Variants in CRAT observed in about 807,000 individuals in gnomAD.
The protein encoded by CRAT is carnitine acetylase.
A neutral mutation model predicts 73.7 loss-of-function variants in CRAT; 66 were observed. The ratio of observed to expected loss-of-function variants is 0.90; its 90% CI spans 0.73 to 1.10. The LOEUF (loss-of-function observed/expected upper bound fraction) is 1.10. Among genes scored for constraint, CRAT ranks in the 50% least tolerant of loss-of-function variants. The pLI, the probability that CRAT is intolerant of heterozygous loss-of-function variation, is 0.00. For missense variants in CRAT, 745 were observed against 846.9 expected, an observed-to-expected ratio of 0.88 and a Z score of 1.49; for synonymous variants, 321 against 343.2, an observed-to-expected ratio of 0.94 and a Z score of 0.71.
In CRAT at chr9:129,107,947, G is replaced by A. The variant is rs746702600; in HGVS notation, c.158C>T (p.Ala53Val). 20 of 1,608,822 alleles carry A rather than the reference G, an allele frequency of 1.2e-5. No homozygotes were observed. Among genetic ancestry groups the A allele is most frequent in the Non-Finnish European group, 1.5e-5 (18 of 1,179,654 alleles). Residue 53 changes from alanine to valine, a missense_variant, in exon 2 of 14, where the codon GCG (alanine) becomes GTG (valine). Physicochemically the swap from Ala to Val is moderately conservative, Grantham distance 64. Coordinates refer to ENST00000318080, the MANE Select transcript of CRAT (RefSeq NM_000755.5). This position sits in a 1 kb window ranked among gnomAD's most constrained non-coding sequence, Gnocchi z 5.0. ...LQQSLDHYLK[A>V]LQPIVSEEEW... is the part of the protein sequence containing the mutation. ...CTCCTCACTCACGATGGGCTGCAGCGCCTTCAGGTAGTGGTCCAGGGACTG... is the reference window on the plus strand; with the variant it reads ...CTCCTCACTCACGATGGGCTGCAGCACCTTCAGGTAGTGGTCCAGGGACTG...
rs769328236 is a variant in CRAT, at chr9:129,098,528, T to C, written c.1205+3A>G. On this transcript the variant is annotated splice_donor_region_variant and intron_variant, in intron 9 of 13. Transcript: ENST00000318080. ...CACAGGGATGGCGGGGGCAGGCACT[T>C]ACATGCTGAGGTTCTGCTTGGCCTT... The C allele has an allele frequency of 8.1e-6, 13 of 1,605,576 alleles. No individual in the cohort carries two copies. The South Asian group carries it at 1.4e-4, about 18-fold the overall frequency.
At position 129,102,497 on chromosome 9, in the gene CRAT, G is replaced by A; in HGVS notation, c.533C>T (p.Ser178Phe). The change falls in exon 5 of 14, where the codon TCC becomes TTC. Residue 178 changes from serine (S) to phenylalanine (F), a missense_variant. Coordinates refer to ENST00000318080, the MANE Select transcript of CRAT (RefSeq NM_000755.5). ...LCMNQYYQIL[S>F]SCRVPGPKQD... ...CTTGGGGCCCGGCACTCGGCAGGAG[G>A]ACAAGATCTGATAGTACTGGTTCAT... 1.2e-6 allele frequency: 2 copies of A among 1,614,170 alleles called. No individual in the cohort carries two copies. The highest frequency in any genetic ancestry group is 1.7e-6 in the Non-Finnish European group (2 of 1,180,022).
chr9:129,110,731 C>A lies in CRAT; in HGVS notation c.-222G>T. ...GGGAGGAGGACTCGCGAGGCGGGGC[C>A]TGGGCCGGTAGCGGGCCCCGGGCGG... is the stretch of plus-strand genomic sequence containing the variant. On this transcript the variant is annotated 5_prime_UTR_variant, in exon 1 of 14. It adds an upstream start codon to the 5' untranslated region. Coordinates refer to ENST00000318080, the MANE Select transcript of CRAT (RefSeq NM_000755.5). The surrounding 1 kb of genome is among the most constrained non-coding windows in gnomAD (Gnocchi z 5.3). The A allele has an allele frequency of 1.6e-6, 1 of 620,638 alleles. No individual in the cohort carries two copies. Among genetic ancestry groups the A allele is most frequent in the Non-Finnish European group, 2.6e-6 (1 of 387,206 alleles). 38.4% of individuals were successfully genotyped at this position (620,638 alleles called of 1,614,324 possible).
Position 129,098,314 on chromosome 9 carries a change from G to T in CRAT, c.1263C>A (p.Phe421Leu), listed in dbSNP as rs748037993. 1.1e-5 allele frequency: 18 copies of T among 1,613,924 alleles called. No homozygotes were observed. The highest frequency in any genetic ancestry group is 1.7e-5 in the Admixed American group (1 of 60,010). The change falls in exon 10 of 14, where the codon TTC (phenylalanine) becomes TTA (leucine). Residue 421 changes from phenylalanine to leucine, a missense_variant. Transcript: ENST00000318080. ...VMVFHHFGKD[F>L]PKSEKLSPDA... The stretch of plus-strand genomic sequence containing the variant: ...CTGGGCTTAGCTTCTCCGACTTGGG[G>T]AAGTCTTTTCCAAAATGGTGGAACA...
rs999101805 is a variant in CRAT, at chr9:129,107,029, C to G, written c.291+785G>C. Among the ~76,000 whole-genome samples, 1 of 152,102 alleles carries G rather than the reference C, an allele frequency of 6.6e-6. No individual in the cohort carries two copies. The highest frequency in any genetic ancestry group is 6.5e-5 in the Admixed American group (1 of 15,270). ...TTCCACTCTGCCTCCCTCCCAGCAG[C>G]TGGGTCACCTTTTTTTTTTCCCAAG... On this transcript the variant is annotated intron_variant, in intron 2 of 13. Coordinates refer to ENST00000318080, the MANE Select transcript of CRAT (RefSeq NM_000755.5). This position sits in a 1 kb window ranked among gnomAD's most constrained non-coding sequence, Gnocchi z 5.0.
Position 129,096,163 on chromosome 9 carries a change from C to T in CRAT, c.1528-28G>A, listed in dbSNP as rs758490461. On this transcript the variant is annotated intron_variant, in intron 12 of 13. Transcript: ENST00000318080. ...GTTGGGGTGGGAGAGCTGTCAGGAG[C>T]AGGGGCTGTGGACCCCCGGGGTATC... 8 of 1,610,458 alleles carry T rather than the reference C, an allele frequency of 5.0e-6. No individual in the cohort carries two copies. In the East Asian group the frequency reaches 1.6e-4, roughly 31 times the overall value.
chr9:129,097,877 C>T, intron 11 of CRAT, 136 bp downstream of exon 11: 1 of 1,288,246 alleles, frequency 7.8e-7, no homozygotes, highest in Non-Finnish European at 1.1e-6. Context: ...AGATTCACGG[C>T]TCCAGCTTCT....
At chr9:129,101,150 G>C (rs998683689) in intron 6 of CRAT, among the ~76,000 whole-genome samples, 2 of 152,198 alleles carry the variant, frequency 1.3e-5, no homozygotes, top group Admixed American at 1.3e-4. Flanking sequence ...CTATTTAGCT[G>C]AGAGAAACTA....
intron 12 of CRAT, 92 bp from the exon 13 acceptor site, chr9:129,096,227 G>A: frequency 6.6e-7 from 1 of 1,513,416 alleles, no homozygotes; most frequent in Non-Finnish European, 9.0e-7. Flanking sequence ...ACCCTTCGCA[G>A]GCACTGGCCA....
At chr9:129,101,094 C>T (rs915553923) in intron 6 of CRAT, among the ~76,000 whole-genome samples, 9 of 152,106 alleles carry the variant, frequency 5.9e-5, no homozygotes, top group African/African-American at 1.9e-4. Context: ...GGTGTGGAGG[C>T]GGGTGGGCTT....
At position 129,095,395 on chromosome 9, in the gene CRAT, G is replaced by A. The variant is rs1455299582; in HGVS notation, c.*2C>T. The A allele has an allele frequency of 6.2e-7, 1 of 1,609,316 alleles. No homozygotes were observed. On this transcript the variant is annotated 3_prime_UTR_variant, in exon 14 of 14. Transcript: ENST00000318080. ...GCATTGGCAGGCCTGAGTCCTAGGG[G>A]CTCAGAGCTTGGCCCGGGGGTGGCT...
Position 129,097,280 on chromosome 9 carries a change from G to C in CRAT, c.1497C>G (p.Ala499=), listed in dbSNP as rs576142583. The change falls in exon 12 of 14, where the codon GCC becomes GCG. Residue 499 remains alanine (A), a synonymous_variant. Coordinates refer to ENST00000318080, the MANE Select transcript of CRAT (RefSeq NM_000755.5). ...EHQKVELLRK[A]VQAHRGYTDR... Reference sequence around the variant, plus strand: ...CGGTGTAGCCTCGGTGGGCCTGCACGGCCTTCCGCAGCAGCTCCACCTTCT... The same window carrying C: ...CGGTGTAGCCTCGGTGGGCCTGCACCGCCTTCCGCAGCAGCTCCACCTTCT... 6.7e-7 allele frequency: 1 copy of C among 1,482,342 alleles called. No homozygotes were observed. The highest frequency in any genetic ancestry group is 2.5e-5 in the East Asian group (1 of 39,250). The allele number at this position is 1,482,342 out of a possible 1,614,324, so 91.8% of individuals were successfully genotyped here.
At position 129,096,133 on chromosome 9, in the gene CRAT, G is replaced by A. The variant is rs1175223246; in HGVS notation, c.1530C>T (p.Ala510=). The change falls in exon 13 of 14, where the codon GCC becomes GCT. Residue 510 remains alanine (A), a splice_region_variant and synonymous_variant. Transcript: ENST00000318080. ...VQAHRGYTDR[A]IRGEAFDRHL... ...GTCGATCAAAGGCCTCCCCGCGGAT[G>A]GCCTGTTGGGGTGGGAGAGCTGTCA... is the stretch of plus-strand genomic sequence containing the variant. The A allele has an allele frequency of 6.2e-7, 1 of 1,612,694 alleles. No homozygotes were observed. Among genetic ancestry groups the A allele is most frequent in the East Asian group, 2.2e-5 (1 of 44,892 alleles).
intron 1 of CRAT, chr9:129,108,384 T>G: frequency 1.7e-6 from 2 of 1,205,394 alleles, no homozygotes; most frequent in Non-Finnish European, 2.1e-6. Flanking sequence ...ACCTGTTGGG[T>G]TGCACAGGCC....
Position 129,100,629 on chromosome 9 carries a change from T to C in CRAT, c.866A>G (p.Asp289Gly). Reference sequence around the variant, plus strand: ...TTCTGAGACCCTGGGCATGGTTGCATCTAGGCACACGGTGAAGATGCTCTT... The same window carrying C: ...TTCTGAGACCCTGGGCATGGTTGCACCTAGGCACACGGTGAAGATGCTCTT... ...IQKSIFTVCL[D>G]ATMPRVSEDV... is the part of the protein sequence containing the mutation. The change falls in exon 7 of 14, where the codon GAT becomes GGT. Residue 289 changes from aspartate (D) to glycine (G), a missense_variant. Physicochemically the swap from Asp to Gly is moderately conservative, Grantham distance 94. Coordinates refer to ENST00000318080, the MANE Select transcript of CRAT (RefSeq NM_000755.5). The C allele has an allele frequency of 6.2e-7, 1 of 1,614,050 alleles. No homozygotes were observed. Among genetic ancestry groups the C allele is most frequent in the Non-Finnish European group, 8.5e-7 (1 of 1,179,970 alleles).
chr9:129,102,284 C>T, intron 5 of CRAT, 116 bp downstream of exon 5: 1 of 1,446,632 alleles, frequency 6.9e-7, no homozygotes, highest in Non-Finnish European at 9.5e-7. Flanking sequence ...GGCGCCCATT[C>T]CTGGGGCACG....
rs1013377180 is a variant in CRAT, at chr9:129,106,926, C to T, written c.291+888G>A. Among the ~76,000 whole-genome samples the T allele has an allele frequency of 6.6e-6, 1 of 152,198 alleles. No homozygotes were observed. Among genetic ancestry groups the T allele is most frequent in the Admixed American group, 6.5e-5 (1 of 15,286 alleles). Reference sequence around the variant, plus strand: ...AACAGTCCTGGACCTAACGACTCTCCCTCTCTCCCATCCGGTGTCAGACCC... The same window carrying T: ...AACAGTCCTGGACCTAACGACTCTCTCTCTCTCCCATCCGGTGTCAGACCC... On this transcript the variant is annotated intron_variant, in intron 2 of 13. Transcript: ENST00000318080. This position sits in a 1 kb window ranked among gnomAD's most constrained non-coding sequence, Gnocchi z 4.0.
Position 129,100,619 on chromosome 9 carries a change from C to G in CRAT, c.876G>C (p.Met292Ile), listed in dbSNP as rs1425142576. 1 of 1,613,958 alleles carries G rather than the reference C, an allele frequency of 6.2e-7. No individual in the cohort carries two copies. Among genetic ancestry groups the G allele is most frequent in the African/African-American group, 1.3e-5 (1 of 74,924 alleles). The stretch of plus-strand genomic sequence containing the variant: ...GGTACACGTCTTCTGAGACCCTGGG[C>G]ATGGTTGCATCTAGGCACACGGTGA... ...SIFTVCLDAT[M>I]PRVSEDVYRS... The change falls in exon 7 of 14, where the codon ATG becomes ATC. Residue 292 changes from methionine (M) to isoleucine (I), a missense_variant. Coordinates refer to ENST00000318080, the MANE Select transcript of CRAT (RefSeq NM_000755.5).
intron 5 of CRAT, among the ~76,000 whole-genome samples, 162 bp downstream of exon 5, chr9:129,102,238 T>A (rs977724402): frequency 2.6e-5 from 4 of 152,124 alleles, no homozygotes; most frequent in Non-Finnish European, 5.9e-5. Context: ...CCACGGCCCC[T>A]CCTGGCCTCC....
Sources: allele counts gnomAD v4.1 joint callset (sites outside exome capture counted in the v4.1 genomes callset), GRCh38; gene constraint gnomAD v4.1.1; non-coding constraint Gnocchi (gnomAD v3.1); transcripts MANE v1.5; gene names NCBI Gene and HGNC (gene_info 2026-07-23, HGNC 2026-07-21).